Variants in MYOM2 observed in about 807,000 individuals in gnomAD.
The protein encoded by MYOM2 is myomesin 2, also known as myomesin-2.
MYOM2 carries 254 observed loss-of-function variants against 187.6 expected under a neutral mutation model. The ratio of observed to expected loss-of-function variants is 1.35; its 90% confidence interval spans 1.22 to 1.50. MYOM2 has a LOEUF of 1.50. MYOM2 is among the 40% of genes most tolerant of loss of function. The probability of loss-of-function intolerance (pLI) is 0.00; values close to 1 mark genes in which losing one functional copy is unlikely to be tolerated. For missense variants in MYOM2, 2,796 were observed against 1,924.0 expected (o/e 1.45, Z -8.48); for synonymous variants, 981 against 753.8 (o/e 1.30, Z -4.94).
rs3779856 is a variant in MYOM2 at position 2,066,260 on chromosome 8, C to T, written c.654-3018C>T. 4.5e-4 allele frequency among the ~76,000 whole-genome samples: 68 copies of T among 152,300 alleles called. No homozygotes were observed. In the East Asian group the frequency reaches 0.012, roughly 27 times the overall value. On this transcript the variant is annotated intron_variant, in intron 6 of 36. Coordinates refer to ENST00000262113, the MANE Select transcript of MYOM2 (RefSeq NM_003970.4). ...TCTGTGCTTCTCTGGTTTATGGCTC[C>T]CTCCTTGAGAATCTGAGTCCACCTG...
Position 2,047,696 on chromosome 8 carries a change from C to T in MYOM2, c.-13+2528C>T, listed in dbSNP as rs182523079. Reference sequence around the variant, plus strand: ...AGCAGGGAATACATGTGGGGATAAACGTGGCAAAGTGCCCTGTTACCCCCA... The same window carrying T: ...AGCAGGGAATACATGTGGGGATAAATGTGGCAAAGTGCCCTGTTACCCCCA... On this transcript the variant is annotated intron_variant, in intron 1 of 36. Transcript: ENST00000262113. 9.8e-4 allele frequency among the ~76,000 whole-genome samples: 150 copies of T among 152,322 alleles called. 1 individual carries two copies. Among genetic ancestry groups the T allele is most frequent in the Non-Finnish European group, 1.6e-3 (111 of 68,028 alleles).
At chr8:2,095,056 C>T (rs896159232) in intron 17 of MYOM2, among the ~76,000 whole-genome samples, 2 of 152,068 alleles carry the variant, frequency 1.3e-5, no homozygotes, top group African/African-American at 4.8e-5. Context: ...CTATGTGGCT[C>T]GTTGATGATT....
intron 8 of MYOM2, among the ~76,000 whole-genome samples, chr8:2,070,636 A>T (rs1819182420): frequency 6.6e-6 from 1 of 151,992 alleles, no homozygotes; most frequent in South Asian, 2.1e-4. Context: ...ATCTATTAAC[A>T]TTTTATCTTC....
intron 32 of MYOM2, among the ~76,000 whole-genome samples, chr8:2,135,611 C>A (rs1418335994): frequency 6.6e-6 from 1 of 152,166 alleles, no homozygotes; most frequent in Non-Finnish European, 1.5e-5. Flanking sequence ...CGTGTGCTTT[C>A]TTCTATCCTC....
chr8:2,116,131 C>G, intron 26 of MYOM2, 27 bp downstream of exon 26: 2 of 1,439,042 alleles, frequency 1.4e-6, no homozygotes, highest in Non-Finnish European at 1.9e-6. Context: ...ATTTCCACGT[C>G]CATACAAGAT....
chr8:2,108,619 G>C (rs567935830), intron 23 of MYOM2, among the ~76,000 whole-genome samples, 167 bp from the exon 24 acceptor site: 1 of 152,132 alleles, frequency 6.6e-6, no homozygotes, highest in African/African-American at 2.4e-5. Flanking sequence ...AATGGTGAAG[G>C]TTAAAGCTAT....
chr8:2,141,931 G>A (rs1160873073), intron 34 of MYOM2, among the ~76,000 whole-genome samples: 2 of 152,122 alleles, frequency 1.3e-5, no homozygotes, highest in South Asian at 2.1e-4. Flanking sequence ...TCGAGTCTTC[G>A]CACATCCGAA....
In MYOM2 at chr8:2,106,251, A is replaced by C. The variant is rs570783506; in HGVS notation, c.2744A>C (p.Glu915Ala). Residue 915 changes from glutamate (E) to alanine (A), a missense_variant, in exon 22 of 37, where the codon GAA becomes GCA. Glu to Ala is a moderately radical substitution (Grantham distance 107). Coordinates refer to ENST00000262113, the MANE Select transcript of MYOM2 (RefSeq NM_003970.4). Reference protein sequence around the residue: ...VLVEARPGTKEISAGVDEQGN... With the variant: ...VLVEARPGTKAISAGVDEQGN... ...TACTCTTCTTATGCAGGCACCAAGG[A>C]AATCAGTGCTGGTGTCGATGAACAA... The C allele has an allele frequency of 8.1e-6, 13 of 1,614,104 alleles. No individual in the cohort carries two copies. In the South Asian group the frequency reaches 1.4e-4, roughly 18 times the overall value.
At chr8:2,089,872 A>G (rs1796235096) in intron 14 of MYOM2, 136 bp from the exon 15 acceptor site, 1 of 646,016 alleles carries the variant, frequency 1.5e-6, no homozygotes, top group Non-Finnish European at 2.5e-6. Flanking sequence ...ATGCATGACC[A>G]TCCTTTGTGT....
At chr8:2,051,983 T>C (rs1369160859) in intron 2 of MYOM2, among the ~76,000 whole-genome samples, 175 bp from the exon 3 acceptor site, 1 of 152,250 alleles carries the variant, frequency 6.6e-6, no homozygotes, top group Admixed American at 6.5e-5. Flanking sequence ...TGTGTGCATG[T>C]GTGCATATAT....
rs1011635825 is a variant in MYOM2 at position 2,090,126 on chromosome 8, C to G, written c.1763C>G (p.Ala588Gly). ...GKSYVFRVLS[A>G]NRHGLSEPSE... Reference sequence around the variant, plus strand: ...TCTTATGTGTTCCGAGTGCTGTCAGCAAACCGGCATGGCCTGAGCGAACCT... The same window carrying G: ...TCTTATGTGTTCCGAGTGCTGTCAGGAAACCGGCATGGCCTGAGCGAACCT... The change falls in exon 15 of 37, where the codon GCA (alanine) becomes GGA (glycine). Residue 588 changes from alanine to glycine, a missense_variant. Coordinates refer to ENST00000262113, the MANE Select transcript of MYOM2 (RefSeq NM_003970.4). The G allele has an allele frequency of 1.9e-6, 3 of 1,614,004 alleles. No individual in the cohort carries two copies. Among genetic ancestry groups the G allele is most frequent in the South Asian group, 1.1e-5 (1 of 91,080 alleles).
rs372455923 is a variant in MYOM2, at chr8:2,092,340, G to A, written c.1829-6G>A. The stretch of plus-strand genomic sequence containing the variant: ...TTTCACCACTCCTTTTGTCTCCTAC[G>A]AAAAGTTGTCCCTTCTGCTCCGGGT... On this transcript the variant is annotated splice_region_variant and splice_polypyrimidine_tract_variant and intron_variant, in intron 15 of 36. Coordinates refer to ENST00000262113, the MANE Select transcript of MYOM2 (RefSeq NM_003970.4). 28 of 1,613,334 alleles carry A rather than the reference G, an allele frequency of 1.7e-5. No individual in the cohort carries two copies. In the Admixed American group the frequency reaches 2.0e-4, roughly 12 times the overall value.
chr8:2,064,122 G>A (rs1161711204), intron 6 of MYOM2, among the ~76,000 whole-genome samples: 7 of 152,200 alleles, frequency 4.6e-5, no homozygotes, highest in Non-Finnish European at 7.4e-5. Flanking sequence ...GGAAGTCTCC[G>A]CGAGAGTGGC....
chr8:2,132,309 A>G (rs764516617), intron 32 of MYOM2, among the ~76,000 whole-genome samples: 4 of 146,162 alleles, frequency 2.7e-5, no homozygotes, highest in Non-Finnish European at 5.9e-5. Flanking sequence ...GACGTAAGCA[A>G]AGACAATTGT....
intron 34 of MYOM2, 111 bp downstream of exon 34, chr8:2,141,288 C>A: frequency 2.3e-6 from 2 of 869,618 alleles, no homozygotes; most frequent in Non-Finnish European, 1.8e-6. Flanking sequence ...AAGAAAGAGC[C>A]ATTCCTGGGA....
intron 18 of MYOM2, chr8:2,097,046 C>T (rs1796517017): frequency 1.2e-6 from 1 of 839,100 alleles, no homozygotes; most frequent in Non-Finnish European, 1.4e-6. Flanking sequence ...AGATGAATGA[C>T]CCTCATCTCA....
intron 20 of MYOM2, 144 bp downstream of exon 20, chr8:2,101,198 A>C: frequency 1.3e-6 from 1 of 785,786 alleles, no homozygotes; most frequent in Non-Finnish European, 2.0e-6. Context: ...ATACAAAAAA[A>C]TTAGCCGGGC....
At chr8:2,062,215 T>C (rs965117762) in intron 6 of MYOM2, among the ~76,000 whole-genome samples, 2 of 152,096 alleles carry the variant, frequency 1.3e-5, no homozygotes, top group African/African-American at 4.8e-5. Flanking sequence ...CCGTGGGCCA[T>C]TGTAAGGACA....
chr8:2,078,909 C>G lies in MYOM2; in HGVS notation c.1438C>G (p.Pro480Ala), dbSNP rs776898052. ...RVSDAVAALDPLDLRRLQAVH... is the reference protein window; with the variant it reads ...RVSDAVAALDALDLRRLQAVH... The stretch of plus-strand genomic sequence containing the variant: ...CTCTGATGCGGTGGCTGCACTTGAC[C>G]CCTTGGACCTCAGAAGGTTACAAGG... Residue 480 changes from proline (P) to alanine (A), a missense_variant, in exon 12 of 37, where the codon CCC becomes GCC. Physicochemically the swap from Pro to Ala is conservative, Grantham distance 27. Transcript: ENST00000262113. 4.3e-6 allele frequency: 7 copies of G among 1,613,928 alleles called. No individual in the cohort carries two copies. The highest frequency in any genetic ancestry group is 5.9e-6 in the Non-Finnish European group (7 of 1,179,860).
Sources: gnomAD v4.1 joint callset for allele counts (sites outside exome capture counted in the v4.1 genomes callset) on GRCh38, gnomAD v4.1.1 for gene constraint, MANE v1.5 for transcripts, NCBI Gene and HGNC (gene_info 2026-07-23, HGNC 2026-07-21) for gene names.